The following DNAH14 variants were observed in gnomAD, a reference collection of about 807,000 sequenced individuals.
The protein encoded by DNAH14 is axonemal beta dynein heavy chain 14.
A neutral mutation model predicts 520.9 loss-of-function variants in DNAH14; 478 were observed. The observed-to-expected ratio is 0.92, with a 90% CI of 0.85 to 0.99. The LOEUF (loss-of-function observed/expected upper bound fraction) is 0.99. Among genes scored for constraint, DNAH14 ranks in the 50% least tolerant of loss-of-function variants. The pLI is 0.00. For synonymous variants in DNAH14, 1,581 were observed against 1,757.2 expected, an observed-to-expected ratio of 0.90 and a Z score of 2.51; for missense variants, 4,831 against 5,234.5, an observed-to-expected ratio of 0.92 and a Z score of 2.38.
At chr1:224,986,852 A>G (rs2125727167) in intron 8 of DNAH14, among the ~76,000 whole-genome samples, 1 of 152,342 alleles carries the variant, frequency 6.6e-6, no homozygotes, top group African/African-American at 2.4e-5. Context: ...AGAGAAAGAA[A>G]TAAAGGCCAT....
intron 27 of DNAH14, among the ~76,000 whole-genome samples, chr1:225,138,247 G>GA (rs905012913): frequency 6.6e-5 from 10 of 152,196 alleles, no homozygotes; most frequent in African/African-American, 2.4e-4. Flanking sequence ...ACTGTGGGGG[G>GA]CCCCTCCTTG....
At chr1:225,340,837 T>A in intron 69 of DNAH14, 136 bp downstream of exon 69, 1 of 1,051,660 alleles carries the variant, frequency 9.5e-7, no homozygotes. Context: ...GGTAGGTGAA[T>A]CACCCCATTT....
intron 38 of DNAH14, among the ~76,000 whole-genome samples, chr1:225,201,698 A>C (rs1391875384): frequency 6.6e-6 from 1 of 152,126 alleles, no homozygotes; most frequent in African/African-American, 2.4e-5. Flanking sequence ...TTGTCTGCAC[A>C]GAGTCCTGTG....
At chr1:225,080,016 T>G (rs1047886124) in intron 18 of DNAH14, among the ~76,000 whole-genome samples, 5 of 152,046 alleles carry the variant, frequency 3.3e-5, no homozygotes, top group Non-Finnish European at 2.9e-5. Flanking sequence ...AGAATTTTGG[T>G]GATTTGTGAA....
At chr1:225,319,516 G>T (rs1164225333) in intron 61 of DNAH14, among the ~76,000 whole-genome samples, 2 of 152,084 alleles carry the variant, frequency 1.3e-5, no homozygotes, top group East Asian at 1.9e-4. Context: ...GTGATAAGAA[G>T]AATTTTTTTG....
At chr1:225,158,455 G>A (rs887301339) in intron 34 of DNAH14, among the ~76,000 whole-genome samples, 1 of 152,078 alleles carries the variant, frequency 6.6e-6, no homozygotes, top group Non-Finnish European at 1.5e-5. Context: ...ATTTTTGGTG[G>A]CAGGACACCT....
chr1:225,289,789 C>T (rs12024361), intron 54 of DNAH14, 96 bp from the exon 55 acceptor site: 285,945 of 833,904 alleles, frequency 0.34, 51,337 homozygotes, highest in East Asian at 0.48. Flanking sequence ...GGTATTTTTA[C>T]ATCAAAATTT....
rs529504594 is a variant in DNAH14 at position 225,009,487 on chromosome 1, A to G, written c.1107+1943A>G. Reference sequence around the variant, plus strand: ...ATATATCTGTTTTGGTACCAGTACCATGCTGTTTTGGTTACTGCAGCCTTG... The same window carrying G: ...ATATATCTGTTTTGGTACCAGTACCGTGCTGTTTTGGTTACTGCAGCCTTG... On this transcript the variant is annotated intron_variant, in intron 10 of 85. Transcript: ENST00000682510. 5.3e-5 allele frequency among the ~76,000 whole-genome samples: 8 copies of G among 152,340 alleles called. No individual in the cohort carries two copies. The East Asian group carries it at 7.7e-4, about 15-fold the overall frequency.
intron 11 of DNAH14, among the ~76,000 whole-genome samples, chr1:225,028,362 A>G (rs1027980120): frequency 6.6e-6 from 1 of 152,002 alleles, no homozygotes; most frequent in Non-Finnish European, 1.5e-5. Context: ...TTGGTAATTT[A>G]TGTCTTTCTA....
intron 31 of DNAH14, among the ~76,000 whole-genome samples, chr1:225,149,268 T>C (rs1220540384): frequency 6.6e-6 from 1 of 152,234 alleles, no homozygotes; most frequent in Non-Finnish European, 1.5e-5. Context: ...CTCTCTATTC[T>C]GTTCCATTGG....
At chr1:225,202,292 G>A (rs112187382) in intron 38 of DNAH14, among the ~76,000 whole-genome samples, 5,342 of 152,286 alleles carry the variant, frequency 0.035, 297 homozygotes, top group African/African-American at 0.12. Flanking sequence ...ACCAGGGTGG[G>A]TAGGGAAGGA....
At chr1:225,176,575 G>C (rs2083366552) in intron 36 of DNAH14, among the ~76,000 whole-genome samples, 1 of 121,016 alleles carries the variant, frequency 8.3e-6, no homozygotes, top group South Asian at 2.8e-4. Flanking sequence ...TGGTTTGGCT[G>C]TGTCCCCACC....
At chr1:225,140,074 C>T (rs1360577836) in intron 27 of DNAH14, among the ~76,000 whole-genome samples, 4 of 152,226 alleles carry the variant, frequency 2.6e-5, no homozygotes, top group Admixed American at 1.3e-4. Flanking sequence ...ATTATTCCCA[C>T]ATTCATATCT....
chr1:225,097,660 G>A (rs2075108244), intron 22 of DNAH14, among the ~76,000 whole-genome samples: 1 of 151,990 alleles, frequency 6.6e-6, no homozygotes, highest in African/African-American at 2.4e-5. Flanking sequence ...TGCAATCCCA[G>A]CTACTCGGGA....
chr1:225,329,509 G>C (rs896952238), intron 64 of DNAH14, among the ~76,000 whole-genome samples: 2 of 152,122 alleles, frequency 1.3e-5, no homozygotes, highest in African/African-American at 4.8e-5. Flanking sequence ...AAATGCTTTT[G>C]AGCAGGGGTG....
At chr1:224,974,674 A>G (rs374238552) in intron 8 of DNAH14, among the ~76,000 whole-genome samples, 9 of 152,300 alleles carry the variant, frequency 5.9e-5, no homozygotes, top group East Asian at 3.9e-4. Flanking sequence ...GAACACTGCT[A>G]TCACCACAGT....
chr1:225,192,493 A>G (rs1016872558), intron 37 of DNAH14, among the ~76,000 whole-genome samples: 1 of 152,086 alleles, frequency 6.6e-6, no homozygotes, highest in Non-Finnish European at 1.5e-5. Flanking sequence ...GTAGTATTAC[A>G]ATTTTTTAAA....
intron 3 of DNAH14, among the ~76,000 whole-genome samples, chr1:224,957,381 G>A (rs904461385): frequency 2.6e-5 from 4 of 152,106 alleles, no homozygotes; most frequent in Admixed American, 2.0e-4. Context: ...GGAGGCAGTT[G>A]AATATATGTG....
intron 21 of DNAH14, 127 bp downstream of exon 21, chr1:225,085,916 A>C: frequency 1.0e-6 from 1 of 993,870 alleles, no homozygotes; most frequent in Non-Finnish European, 1.4e-6. Context: ...AAAAATTACA[A>C]TGAATATTTA....
Sources: allele counts gnomAD v4.1 joint callset (sites outside exome capture counted in the v4.1 genomes callset), GRCh38; gene constraint gnomAD v4.1.1; transcripts MANE v1.5; gene names NCBI Gene and HGNC (gene_info 2026-07-23, HGNC 2026-07-21).